Variants in TRAM2 observed in about 807,000 individuals in gnomAD.
TRAM2 encodes the protein translocating chain-associated membrane protein 2.
TRAM2 carries 12 observed loss-of-function variants against 51.0 expected under a neutral mutation model. The ratio of observed to expected loss-of-function variants is 0.24; its 90% CI spans 0.15 to 0.38. The LOEUF is 0.38. Ranked by LOEUF, TRAM2 falls within the 10% of genes least tolerant of loss-of-function variation. The pLI is 1.00. For synonymous variants in TRAM2, 175 were observed against 179.4 expected (o/e 0.98, Z 0.20); for missense variants, 361 against 462.0 (o/e 0.78, Z 2.00).
In TRAM2 at chr6:52,506,129, G is replaced by A. The variant is rs1322421654; in HGVS notation, c.634C>T (p.Arg212Cys). ...AGCAGCAGCAAGATCAGGCCCAGGC[G>A]GCTCAGGCTGGGGGTGGGGAAGACT... ...IAGAYLLNLSRLGLILLLLQY... is the reference protein window; with the variant it reads ...IAGAYLLNLSCLGLILLLLQY... Residue 212 changes from arginine (R) to cysteine (C), a missense_variant, in exon 8 of 11, where the codon CGC becomes TGC. Coordinates refer to ENST00000182527, the MANE Select transcript of TRAM2 (RefSeq NM_012288.4). 4 of 1,613,646 alleles carry A rather than the reference G, an allele frequency of 2.5e-6. No individual in the cohort carries two copies. The highest frequency in any genetic ancestry group is 3.3e-5 in the Admixed American group (2 of 60,016).
intron 1 of TRAM2, among the ~76,000 whole-genome samples, chr6:52,543,077 A>T (rs1302172523): frequency 6.6e-6 from 1 of 152,210 alleles, no homozygotes; most frequent in Non-Finnish European, 1.5e-5. Context: ...TTGGCCTTCT[A>T]CGTGCTTTAT....
rs35821052 is a variant in TRAM2 at position 52,531,120 on chromosome 6, C to CAAAAAAAAAAA, written c.184+4652_184+4662dup. ...GAAGTCAGAATTTACCCTGGTTATG[C>CAAAAAAAAAAA]AAAAAAAAAAAAAAAAAAAAGGTAC... On this transcript the variant is annotated intron_variant, in intron 2 of 10. Transcript: ENST00000182527. Among the ~76,000 whole-genome samples the CAAAAAAAAAAA allele has an allele frequency of 3.1e-5, 3 of 96,298 alleles. 1 individual carries two copies. The highest frequency in any genetic ancestry group is 8.0e-5 in the African/African-American group (2 of 25,100). 63.2% of individuals were successfully genotyped at this position (96,298 alleles called of 152,430 possible).
rs772435370 is a variant in TRAM2, at chr6:52,505,657, G to A, written c.817C>T (p.Arg273Cys). The A allele has an allele frequency of 6.2e-6, 10 of 1,613,634 alleles. No individual in the cohort carries two copies. In the South Asian group the frequency reaches 6.6e-5, roughly 11 times the overall value. Residue 273 changes from arginine (R) to cysteine (C), a missense_variant, in exon 9 of 11, where the codon CGC becomes TGC. By Grantham distance (180) the Arg-to-Cys change is radical. Transcript: ENST00000182527. Reference protein sequence around the residue: ...AVLAIGFGLARMENQAFDPEK... With the variant: ...AVLAIGFGLACMENQAFDPEK... The stretch of plus-strand genomic sequence containing the variant: ...GGATCAAATGCCTGGTTTTCCATGC[G>A]AGCCAGTCCAAAGCCAATGGCCAGC...
chr6:52,561,364 C>A (rs907928001), intron 1 of TRAM2, among the ~76,000 whole-genome samples: 4 of 151,636 alleles, frequency 2.6e-5, no homozygotes, highest in Admixed American at 2.6e-4. Flanking sequence ...CTCACTGCAA[C>A]TTCTGCCTCC....
chr6:52,552,997 GGA>G lies in TRAM2; in HGVS notation c.121-17153_121-17152del, dbSNP rs542575461. Among the ~76,000 whole-genome samples, 16 of 152,202 alleles carry G rather than the reference GGA, an allele frequency of 1.1e-4. No individual in the cohort carries two copies. The East Asian group carries it at 3.1e-3, about 29-fold the overall frequency. ...TATTCTCATTTGCCACCAGCCTGTA[GGA>G]GAGACTTCTAACTGGATCCTCAGCC... is the stretch of plus-strand genomic sequence containing the variant. On this transcript the variant is annotated intron_variant, in intron 1 of 10. Coordinates refer to ENST00000182527, the MANE Select transcript of TRAM2 (RefSeq NM_012288.4).
chr6:52,509,488 C>T (rs1286569882), intron 5 of TRAM2, 40 bp downstream of exon 5: 9 of 1,604,768 alleles, frequency 5.6e-6, no homozygotes, highest in South Asian at 1.1e-5. Context: ...GCAGTGGGCC[C>T]GGTCGCTCCT....
In TRAM2 at chr6:52,501,209, AAC is replaced by A. The variant is rs1395549901; in HGVS notation, c.*1986_*1987del. 1 of 152,186 alleles carries A rather than the reference AAC, an allele frequency of 6.6e-6. No homozygotes were observed. Among genetic ancestry groups the A allele is most frequent in the African/African-American group, 2.4e-5 (1 of 41,448 alleles). The allele number at this position is 152,186 out of a possible 1,614,324, so 9.4% of individuals were successfully genotyped here. A position where few individuals can be genotyped will look rare whatever the true frequency, so the allele number is the denominator to read the frequency against. On this transcript the variant is annotated 3_prime_UTR_variant, in exon 11 of 11. Coordinates refer to ENST00000182527, the MANE Select transcript of TRAM2 (RefSeq NM_012288.4). ...AATGGGGGAAATACATATTTTCAAA[AAC>A]ACTGTCTCACTTCCTAAGGGTAATC...
chr6:52,503,082 C>T lies in TRAM2; in HGVS notation c.*115G>A, dbSNP rs933407467. On this transcript the variant is annotated 3_prime_UTR_variant, in exon 11 of 11. Coordinates refer to ENST00000182527, the MANE Select transcript of TRAM2 (RefSeq NM_012288.4). Reference sequence around the variant, plus strand: ...CCTCCCCCCATTGCAAGACAGGTTTCGGCTGTTTGAGACGGAGCATCACAG... The same window carrying T: ...CCTCCCCCCATTGCAAGACAGGTTTTGGCTGTTTGAGACGGAGCATCACAG... 2.9e-5 allele frequency: 25 copies of T among 867,648 alleles called. No homozygotes were observed. The highest frequency in any genetic ancestry group is 9.8e-5 in the Admixed American group (5 of 50,946). 53.7% of individuals were successfully genotyped at this position (867,648 alleles called of 1,614,324 possible).
chr6:52,513,884 T>C (rs184801810), intron 4 of TRAM2, among the ~76,000 whole-genome samples: 30 of 152,328 alleles, frequency 2.0e-4, no homozygotes, highest in African/African-American at 6.5e-4. Context: ...AGTCTCCTTC[T>C]AGAAAAAAGA....
chr6:52,552,087 G>T (rs1229663047), intron 1 of TRAM2, among the ~76,000 whole-genome samples: 1 of 152,272 alleles, frequency 6.6e-6, no homozygotes, highest in African/African-American at 2.4e-5. Flanking sequence ...GCCACGTGCT[G>T]ACAAGCAGGC....
intron 2 of TRAM2, among the ~76,000 whole-genome samples, chr6:52,521,214 C>G (rs1766666977): frequency 6.6e-6 from 1 of 151,756 alleles, no homozygotes; most frequent in East Asian, 2.0e-4. Flanking sequence ...CCAGCCCTAT[C>G]TTCCTACTTT....
At chr6:52,531,395 GATTTAAATAAA>G (rs1160110259) in intron 2 of TRAM2, among the ~76,000 whole-genome samples, 1 of 152,168 alleles carries the variant, frequency 6.6e-6, no homozygotes, top group Non-Finnish European at 1.5e-5. Context: ...CAAATGGCAA[GATTTAAATAAA>G]AGACAGGCTA....
At chr6:52,509,460 C>T (rs1766410934) in intron 5 of TRAM2, 68 bp downstream of exon 5, 5 of 1,526,348 alleles carry the variant, frequency 3.3e-6, no homozygotes, top group Non-Finnish European at 4.5e-6. Flanking sequence ...TCTGGCCACA[C>T]TCCGCTGGGA....
At chr6:52,545,343 C>A (rs1354763025) in intron 1 of TRAM2, among the ~76,000 whole-genome samples, 1 of 152,282 alleles carries the variant, frequency 6.6e-6, no homozygotes, top group African/African-American at 2.4e-5. Context: ...GTCCCCCACC[C>A]GAGGCCCATT....
At chr6:52,565,997 G>C (rs903200577) in intron 1 of TRAM2, among the ~76,000 whole-genome samples, 1 of 152,178 alleles carries the variant, frequency 6.6e-6, no homozygotes, top group Non-Finnish European at 1.5e-5. Context: ...CAAAACAAAA[G>C]ATAGAGGGAA....
At chr6:52,555,325 T>C (rs1767386238) in intron 1 of TRAM2, among the ~76,000 whole-genome samples, 1 of 144,450 alleles carries the variant, frequency 6.9e-6, no homozygotes, top group Non-Finnish European at 1.5e-5. Context: ...TTATCACTAA[T>C]CCAAACTTTC....
chr6:52,557,544 A>G (rs1440054583), intron 1 of TRAM2, among the ~76,000 whole-genome samples: 1 of 152,202 alleles, frequency 6.6e-6, no homozygotes, highest in Non-Finnish European at 1.5e-5. Flanking sequence ...AAAGAATCAG[A>G]CAATCTAAAT....
chr6:52,519,720 C>T (rs569879763), intron 2 of TRAM2, among the ~76,000 whole-genome samples: 1 of 151,572 alleles, frequency 6.6e-6, no homozygotes. Flanking sequence ...TCACAACAGC[C>T]AAAAAGATGG....
chr6:52,503,196 C>CT lies in TRAM2; in HGVS notation c.1113dup, dbSNP rs1562473308. Reference sequence around the variant, plus strand: ...GGATTCCTGTTCTTAGCACTTTGGCCTTAGGGAGACTTGAGTTTCTTAGTC... The same window carrying CT: ...GGATTCCTGTTCTTAGCACTTTGGCCTTTAGGGAGACTTGAGTTTCTTAGTC... On this transcript the variant is annotated 3_prime_UTR_variant, in exon 11 of 11. Coordinates refer to ENST00000182527, the MANE Select transcript of TRAM2 (RefSeq NM_012288.4). The CT allele has an allele frequency of 1.2e-6, 2 of 1,613,688 alleles. No individual in the cohort carries two copies. Among genetic ancestry groups the CT allele is most frequent in the South Asian group, 2.2e-5 (2 of 91,060 alleles).
Sources: gnomAD v4.1 joint callset for allele counts (sites outside exome capture counted in the v4.1 genomes callset) on GRCh38, gnomAD v4.1.1 for gene constraint, MANE v1.5 for transcripts, NCBI Gene and HGNC (gene_info 2026-07-23, HGNC 2026-07-21) for gene names.